The following SLC44A5 variants were observed in gnomAD, a reference collection of about 807,000 sequenced individuals.
SLC44A5 encodes the protein solute carrier family 44 member 5, also known as choline transporter-like protein 5.
Under a neutral mutation model 101.8 loss-of-function variants are expected in SLC44A5, and 57 were observed. That is an observed-to-expected ratio of 0.56 (90% CI 0.45 to 0.70). SLC44A5 has a LOEUF of 0.70. Ranked by LOEUF, SLC44A5 falls within the 30% of genes least tolerant of loss-of-function variation. The pLI is 0.00. For synonymous variants in SLC44A5, 281 were observed against 290.9 expected, an observed-to-expected ratio of 0.97 and a Z score of 0.35; for missense variants, 737 against 853.1, an observed-to-expected ratio of 0.86 and a Z score of 1.70.
At chr1:75,432,320 C>A (rs1355982477) in intron 2 of SLC44A5, among the ~76,000 whole-genome samples, 1 of 152,134 alleles carries the variant, frequency 6.6e-6, no homozygotes, top group East Asian at 1.9e-4. Flanking sequence ...TTTCAACTAG[C>A]CCCTGCAAAC....
intron 2 of SLC44A5, among the ~76,000 whole-genome samples, chr1:75,435,412 TG>T (rs775481710): frequency 4.9e-4 from 74 of 152,314 alleles, no homozygotes; most frequent in Non-Finnish European, 9.0e-4. Flanking sequence ...GCATCACTCT[TG>T]GCCCTTGGGG....
intron 6 of SLC44A5, among the ~76,000 whole-genome samples, chr1:75,266,031 G>T (rs1258544215): frequency 2.6e-5 from 4 of 152,120 alleles, no homozygotes; most frequent in Admixed American, 6.6e-5. Flanking sequence ...CTTTGAAGTC[G>T]CTGTTTCATC....
At chr1:75,694,161 T>C in the SLC44A5 span, among the ~76,000 whole-genome samples, 2 of 151,586 alleles carry the variant, frequency 1.3e-5, no homozygotes, top group African/African-American at 2.4e-5. Context: ...ACTAAAGTAA[T>C]ACCTTTGAGT....
intron 3 of SLC44A5, among the ~76,000 whole-genome samples, chr1:75,360,896 C>T (rs1659442948): frequency 6.6e-6 from 1 of 152,056 alleles, no homozygotes; most frequent in South Asian, 2.1e-4. Context: ...GAGCACTTTG[C>T]ATAGTATGAA....
At chr1:75,368,147 T>A (rs570554921) in intron 3 of SLC44A5, among the ~76,000 whole-genome samples, 2 of 152,308 alleles carry the variant, frequency 1.3e-5, no homozygotes, top group East Asian at 3.9e-4. Context: ...TTTGCTTTAA[T>A]CAGAGTTATC....
At chr1:75,441,559 A>C (rs1392831730) in intron 2 of SLC44A5, among the ~76,000 whole-genome samples, 1 of 152,150 alleles carries the variant, frequency 6.6e-6, no homozygotes, top group East Asian at 1.9e-4. Context: ...ATAATAATAA[A>C]CATAATTGAA....
chr1:75,351,868 A>AAAAAAAAAAG, intron 3 of SLC44A5, among the ~76,000 whole-genome samples: 1 of 58,470 alleles, frequency 1.7e-5, no homozygotes, highest in Non-Finnish European at 3.7e-5. Flanking sequence ...AAAAAAAAAA[A>AAAAAAAAAAG]AGAGAGAGAG....
chr1:75,264,412 G>T (rs1650817802), intron 6 of SLC44A5, among the ~76,000 whole-genome samples: 1 of 152,182 alleles, frequency 6.6e-6, no homozygotes, highest in African/African-American at 2.4e-5. Context: ...AGGACAACTT[G>T]TGTGATTATA....
chr1:75,638,445 CT>C, the SLC44A5 span, among the ~76,000 whole-genome samples: 1 of 151,900 alleles, frequency 6.6e-6, no homozygotes, highest in Non-Finnish European at 1.5e-5. Context: ...GAAATAAAAC[CT>C]GCAAGGAATC....
At chr1:75,533,270 G>C (rs1670819513) in intron 2 of SLC44A5, among the ~76,000 whole-genome samples, 1 of 152,084 alleles carries the variant, frequency 6.6e-6, no homozygotes. Flanking sequence ...AACTTTTAAG[G>C]AATTTACTGA....
At chr1:75,627,908 A>G in the SLC44A5 span, among the ~76,000 whole-genome samples, 1 of 147,962 alleles carries the variant, frequency 6.8e-6, no homozygotes, top group South Asian at 2.2e-4. Flanking sequence ...TATGAGTTGA[A>G]AGAGAATTTA....
At chr1:75,242,766 T>G in intron 8 of SLC44A5, 120 bp downstream of exon 8, 3 of 1,171,030 alleles carry the variant, frequency 2.6e-6, no homozygotes, top group Non-Finnish European at 3.6e-6. Flanking sequence ...TTCAATGAAA[T>G]TGTATCTAAT....
At chr1:75,275,247 C>G (rs185020312) in intron 5 of SLC44A5, among the ~76,000 whole-genome samples, 22 of 152,230 alleles carry the variant, frequency 1.4e-4, no homozygotes, top group African/African-American at 5.3e-4. Flanking sequence ...TTCTCTTATT[C>G]TCTCAGGATT....
At chr1:75,609,728 G>A (rs1033148424) in intron 1 of SLC44A5, among the ~76,000 whole-genome samples, 4 of 152,050 alleles carry the variant, frequency 2.6e-5, no homozygotes, top group Non-Finnish European at 4.4e-5. Flanking sequence ...CACTAAATAG[G>A]AAAGAGGGCT....
chr1:75,431,626 G>GT (rs1379112077), intron 2 of SLC44A5, among the ~76,000 whole-genome samples: 1 of 151,822 alleles, frequency 6.6e-6, no homozygotes, highest in African/African-American at 2.4e-5. Context: ...GTGGGTTTTT[G>GT]TTTTTTATTG....
chr1:75,416,117 C>T (rs527566783), intron 2 of SLC44A5, among the ~76,000 whole-genome samples: 21 of 152,292 alleles, frequency 1.4e-4, no homozygotes, highest in African/African-American at 5.1e-4. Flanking sequence ...CAGGGCATGT[C>T]AGAAGTCTTC....
chr1:75,623,935 C>T, the SLC44A5 span, among the ~76,000 whole-genome samples: 8,930 of 152,154 alleles, frequency 0.059, 297 homozygotes, highest in Middle Eastern at 0.092. Context: ...GCCATGAGCA[C>T]AGATGACACC....
At chr1:75,588,635 C>A (rs1199943430) in intron 1 of SLC44A5, among the ~76,000 whole-genome samples, 1 of 151,962 alleles carries the variant, frequency 6.6e-6, no homozygotes, top group Non-Finnish European at 1.5e-5. Flanking sequence ...TAAGAAAAAT[C>A]ATTTGGGGAA....
At chr1:75,463,689 C>T (rs1444981314) in intron 2 of SLC44A5, among the ~76,000 whole-genome samples, 1 of 152,088 alleles carries the variant, frequency 6.6e-6, no homozygotes, top group Non-Finnish European at 1.5e-5. Flanking sequence ...ATACTAGACT[C>T]ATCCTGCAAG....
Sources: allele counts gnomAD v4.1 joint callset (sites outside exome capture counted in the v4.1 genomes callset), GRCh38; gene constraint gnomAD v4.1.1; transcripts MANE v1.5; gene names NCBI Gene and HGNC (gene_info 2026-07-23, HGNC 2026-07-21).